MGAT5: variants seen among roughly 807,000 people sequenced by gnomAD.
MGAT5 encodes the protein alpha-1,6-mannosylglycoprotein 6-beta-N-acetylglucosaminyltransferase A.
A neutral mutation model predicts 94.3 loss-of-function variants in MGAT5; 30 were observed. That is an observed-to-expected ratio of 0.32 (90% confidence interval 0.24 to 0.43). MGAT5 has a LOEUF of 0.43. MGAT5 is among the 20% of genes least tolerant of loss of function. The probability of loss-of-function intolerance (pLI) is 1.00; values close to 1 mark genes in which losing one functional copy is unlikely to be tolerated. For missense variants in MGAT5, 691 were observed against 905.5 expected (o/e 0.76, Z 3.04); for synonymous variants, 310 against 322.9 (o/e 0.96, Z 0.43).
chr2:134,123,433 G>A (rs763552213), intron 1 of MGAT5, among the ~76,000 whole-genome samples: 7 of 152,226 alleles, frequency 4.6e-5, no homozygotes, highest in Non-Finnish European at 8.8e-5. Flanking sequence ...TAAGATCTGG[G>A]TTGGAAAGTT....
chr2:134,147,311 A>G lies in MGAT5; in HGVS notation c.-143+27020A>G, dbSNP rs559627682. 3.3e-5 allele frequency among the ~76,000 whole-genome samples: 5 copies of G among 152,344 alleles called. No homozygotes were observed. The East Asian group carries it at 9.6e-4, about 29-fold the overall frequency. On this transcript the variant is annotated intron_variant, in intron 1 of 16. Coordinates refer to the MGAT5 transcript ENST00000409645. Reference sequence around the variant, plus strand: ...TATTTCAAATTTAGATTAAAGAAAAAACATGTTCACGGTCTATGCAGGCAG... The same window carrying G: ...TATTTCAAATTTAGATTAAAGAAAAGACATGTTCACGGTCTATGCAGGCAG...
At chr2:134,258,545 G>T (rs1367571312) in intron 1 of MGAT5, among the ~76,000 whole-genome samples, 1 of 152,178 alleles carries the variant, frequency 6.6e-6, no homozygotes, top group African/African-American at 2.4e-5. Flanking sequence ...TTTACTGTCT[G>T]GTTCTTTACC....
intron 14 of MGAT5, among the ~76,000 whole-genome samples, chr2:134,431,820 G>A (rs574663440): frequency 2.0e-5 from 3 of 152,290 alleles, no homozygotes; most frequent in East Asian, 3.9e-4. Context: ...AGGGCACGCC[G>A]GGCTTCAGTG....
intron 1 of MGAT5, among the ~76,000 whole-genome samples, chr2:134,131,650 C>T (rs924399546): frequency 6.7e-6 from 1 of 148,348 alleles, no homozygotes; most frequent in Non-Finnish European, 1.5e-5. Context: ...TATCCACTAT[C>T]CACACTCTTT....
chr2:134,311,517 G>A (rs992251547), intron 2 of MGAT5, among the ~76,000 whole-genome samples: 2 of 151,992 alleles, frequency 1.3e-5, no homozygotes, highest in Admixed American at 6.6e-5. Flanking sequence ...GTGTGAGCTC[G>A]CATGCAAACT....
chr2:134,386,487 G>A (rs1441424677), intron 10 of MGAT5, among the ~76,000 whole-genome samples: 1 of 152,140 alleles, frequency 6.6e-6, no homozygotes, highest in Admixed American at 6.5e-5. Flanking sequence ...TGCTTTAGTG[G>A]TCTGTTATTA....
At chr2:134,431,400 G>T (rs1684866568) in intron 14 of MGAT5, among the ~76,000 whole-genome samples, 1 of 152,142 alleles carries the variant, frequency 6.6e-6, no homozygotes, top group African/African-American at 2.4e-5. Context: ...TTATCTCAGA[G>T]ATTCTATTGA....
chr2:134,226,926 G>C (rs1348356697), intron 1 of MGAT5, among the ~76,000 whole-genome samples: 1 of 151,392 alleles, frequency 6.6e-6, no homozygotes, highest in Non-Finnish European at 1.5e-5. Flanking sequence ...TCCTGCCGAA[G>C]TCTTCTCACA....
chr2:134,345,149 C>A, intron 8 of MGAT5, 85 bp downstream of exon 8: 1 of 1,400,138 alleles, frequency 7.1e-7, no homozygotes, highest in South Asian at 1.4e-5. Context: ...AAAAGCTTAT[C>A]AAATAGTATC....
At chr2:134,141,471 A>G (rs1686653114) in intron 1 of MGAT5, among the ~76,000 whole-genome samples, 3 of 114,414 alleles carry the variant, frequency 2.6e-5, no homozygotes, top group South Asian at 6.3e-4. Context: ...TGGATGGGTA[A>G]GTGGATGGAT....
chr2:134,175,068 A>G lies in MGAT5; in HGVS notation c.-143+54777A>G, dbSNP rs74670115. Among the ~76,000 whole-genome samples, 2,888 of 152,270 alleles carry G rather than the reference A, an allele frequency of 0.019. 238 individuals carry two copies. The East Asian group carries it at 0.26, about 14-fold the overall frequency. The stretch of plus-strand genomic sequence containing the variant: ...GCAGGGTGGGGCTGTGGGCCAGCCC[A>G]TATCTCCCTACCAGGGAGTATGTGT... On this transcript the variant is annotated intron_variant, in intron 1 of 16. Coordinates refer to the MGAT5 transcript ENST00000409645.
chr2:134,132,564 T>G (rs1686227086), intron 1 of MGAT5, among the ~76,000 whole-genome samples: 1 of 152,274 alleles, frequency 6.6e-6, no homozygotes, highest in African/African-American at 2.4e-5. Context: ...ACATACCCAA[T>G]CCCATTTGTT....
chr2:134,376,502 T>C (rs536207795), intron 10 of MGAT5, among the ~76,000 whole-genome samples: 39 of 152,228 alleles, frequency 2.6e-4, no homozygotes, highest in Non-Finnish European at 5.0e-4. Context: ...CCAGTGACAA[T>C]GTAAGTAACA....
chr2:134,141,796 C>T (rs1286873602), intron 1 of MGAT5, among the ~76,000 whole-genome samples: 3 of 152,312 alleles, frequency 2.0e-5, no homozygotes, highest in Admixed American at 6.5e-5. Context: ...AGTCAGCATT[C>T]CCAGAGCCTA....
chr2:134,166,803 C>T (rs1415434511), intron 1 of MGAT5, among the ~76,000 whole-genome samples: 4 of 152,122 alleles, frequency 2.6e-5, no homozygotes, highest in African/African-American at 7.2e-5. Flanking sequence ...TGGGACAATG[C>T]ACAATAGATG....
At chr2:134,221,471 G>C (rs1680766248) in intron 1 of MGAT5, among the ~76,000 whole-genome samples, 1 of 152,156 alleles carries the variant, frequency 6.6e-6, no homozygotes, top group South Asian at 2.1e-4. Context: ...GAGAGAGAGA[G>C]AGAAAGAGAG....
At chr2:134,251,336 C>A (rs1421449803), upstream of MGAT5, among the ~76,000 whole-genome samples, 1 of 152,178 alleles carries the variant, frequency 6.6e-6, no homozygotes, top group Non-Finnish European at 1.5e-5. Flanking sequence ...GCCGCTCATG[C>A]TCAATATAGA....
chr2:134,363,799 C>T (rs926213642), intron 10 of MGAT5, among the ~76,000 whole-genome samples: 1 of 152,198 alleles, frequency 6.6e-6, no homozygotes, highest in Non-Finnish European at 1.5e-5. Context: ...CGAAGATGGT[C>T]CCATAAATTT....
chr2:134,154,488 C>T (rs551903277), intron 1 of MGAT5, among the ~76,000 whole-genome samples: 31 of 152,312 alleles, frequency 2.0e-4, no homozygotes, highest in Admixed American at 6.5e-4. Context: ...AGACCTGTCA[C>T]GGGAGACAAG....
Sources: allele counts gnomAD v4.1 joint callset (sites outside exome capture counted in the v4.1 genomes callset), GRCh38; gene constraint gnomAD v4.1.1; transcripts MANE v1.5; gene names NCBI Gene and HGNC (gene_info 2026-07-23, HGNC 2026-07-21).